CEBPZ: variants seen among roughly 807,000 people sequenced by gnomAD.
CEBPZ encodes CCAAT/enhancer-binding protein zeta.
CEBPZ carries 78 observed loss-of-function variants against 104.5 expected under a neutral mutation model. The observed-to-expected ratio is 0.75, with a 90% CI of 0.62 to 0.90. The LOEUF is 0.90. Ranked by LOEUF, CEBPZ falls within the 40% of genes least tolerant of loss-of-function variation. CEBPZ has a pLI of 0.00. For missense variants in CEBPZ, 1,439 were observed against 1,233.5 expected, an observed-to-expected ratio of 1.17 and a Z score of -2.50; for synonymous variants, 470 against 427.0, an observed-to-expected ratio of 1.10 and a Z score of -1.24.
Position 37,201,647 on chromosome 2 carries a change from T to A in CEBPZ, c.*117A>T. ...AGAGCTATTTTTATTTATAGTTTATTACAAATCCACTGAGAAGTCTGGAAT... is the reference window on the plus strand; with the variant it reads ...AGAGCTATTTTTATTTATAGTTTATAACAAATCCACTGAGAAGTCTGGAAT... On this transcript the variant is annotated 3_prime_UTR_variant, in exon 16 of 16. Transcript: ENST00000234170. 1.4e-6 allele frequency: 1 copy of A among 740,074 alleles called. No individual in the cohort carries two copies. The highest frequency in any genetic ancestry group is 2.4e-6 in the Non-Finnish European group (1 of 414,060). The allele number at this position is 740,074 out of a possible 1,614,324, so 45.8% of individuals were successfully genotyped here.
At chr2:37,212,994 T>C (rs1206461740) in intron 10 of CEBPZ, among the ~76,000 whole-genome samples, 1 of 151,604 alleles carries the variant, frequency 6.6e-6, no homozygotes, top group African/African-American at 2.4e-5. Context: ...CTGCAGTGAG[T>C]TGGGATTGTG....
Position 37,228,517 on chromosome 2 carries a change from T to C in CEBPZ, c.676A>G (p.Ser226Gly). The stretch of plus-strand genomic sequence containing the variant: ...CAGGTAGAAGAGGCTCCCTTTTGAC[T>C]ATTCGTCTTACTTTTGAATAAGTTG... Reference protein sequence around the residue: ...EINLFKSKTNSQKGASSTWMK... With the variant: ...EINLFKSKTNGQKGASSTWMK... Residue 226 changes from serine to glycine, a missense_variant, in exon 2 of 16, where the codon AGT becomes GGT. Transcript: ENST00000234170. 2 of 1,614,234 alleles carry C rather than the reference T, an allele frequency of 1.2e-6. No individual in the cohort carries two copies. The highest frequency in any genetic ancestry group is 8.5e-7 in the Non-Finnish European group (1 of 1,180,040).
chr2:37,217,475 T>C (rs1248526253), intron 5 of CEBPZ, among the ~76,000 whole-genome samples: 1 of 152,160 alleles, frequency 6.6e-6, no homozygotes, highest in Non-Finnish European at 1.5e-5. Context: ...TCAAAACATA[T>C]TGGTCTCAGG....
At chr2:37,227,450 C>G in intron 2 of CEBPZ, 94 bp downstream of exon 2, 2 of 1,359,772 alleles carry the variant, frequency 1.5e-6, no homozygotes, top group Non-Finnish European at 9.7e-7. Context: ...ACCAAATTTT[C>G]TAACTCTTTT....
chr2:37,229,145 C>T, intron 1 of CEBPZ, 109 bp from the exon 2 acceptor site: 2 of 1,030,052 alleles, frequency 1.9e-6, no homozygotes, highest in Non-Finnish European at 2.6e-6. Context: ...CTGGAAAAAT[C>T]CTTTCAAATT....
chr2:37,213,546 G>A (rs542128867), intron 10 of CEBPZ: 12 of 183,866 alleles, frequency 6.5e-5, no homozygotes, highest in Non-Finnish European at 1.0e-4. Flanking sequence ...CGAGTAGCTG[G>A]GACTACAGGT....
At chr2:37,203,111 A>G (rs1677360983) in intron 13 of CEBPZ, 103 bp from the exon 14 acceptor site, 2 of 714,418 alleles carry the variant, frequency 2.8e-6, no homozygotes, top group Admixed American at 6.8e-5. Context: ...TTGGGTAAAA[A>G]CAATTGCAAT....
Position 37,211,990 on chromosome 2 carries a change from C to G in CEBPZ, c.2653G>C (p.Asp885His). ...AGTTCATCATCACTACCTTCTGAAT[C>G]TTCATCTAATGTGTTATCCTTAGCT... ...KGAKDNTLDEDSEGSDDELGN... is the reference protein window; with the variant it reads ...KGAKDNTLDEHSEGSDDELGN... The change falls in exon 12 of 16, where the codon GAT becomes CAT. Residue 885 changes from aspartate (D) to histidine (H), a missense_variant. Asp to His is a moderately conservative substitution (Grantham distance 81). Transcript: ENST00000234170. 2.5e-6 allele frequency: 4 copies of G among 1,611,940 alleles called. No individual in the cohort carries two copies. Among genetic ancestry groups the G allele is most frequent in the Non-Finnish European group, 3.4e-6 (4 of 1,179,400 alleles).
chr2:37,211,377 TAAG>T, intron 12 of CEBPZ: 1 of 262,536 alleles, frequency 3.8e-6, no homozygotes, highest in Non-Finnish European at 7.1e-6. Context: ...TCAGAATAAG[TAAG>T]AAGAATGTTG....
rs763505681 is a variant in CEBPZ, at chr2:37,228,459, C to T, written c.734G>A (p.Gly245Asp). The change falls in exon 2 of 16, where the codon GGT (glycine) becomes GAT (aspartate). Residue 245 changes from glycine to aspartate, a missense_variant. Gly to Asp is a moderately conservative substitution (Grantham distance 94). Transcript: ENST00000234170. ...AAGAATCATGGCTGCCATCCTGTCA[C>T]CTAGTGTCCCCGATGACACAATTGC... is the stretch of plus-strand genomic sequence containing the variant. ...MKAIVSSGTLGDRMAAMILLI... is the reference protein window; with the variant it reads ...MKAIVSSGTLDDRMAAMILLI... The T allele has an allele frequency of 6.2e-7, 1 of 1,614,214 alleles. No individual in the cohort carries two copies. The highest frequency in any genetic ancestry group is 1.1e-5 in the South Asian group (1 of 91,082).
At chr2:37,217,911 A>AC (rs917383473) in intron 5 of CEBPZ, among the ~76,000 whole-genome samples, 26 of 149,118 alleles carry the variant, frequency 1.7e-4, no homozygotes, top group Middle Eastern at 3.5e-3. Flanking sequence ...CAAAAAAAAA[A>AC]AACAAAAAAC....
chr2:37,222,869 T>C (rs1664803619), intron 3 of CEBPZ, among the ~76,000 whole-genome samples: 1 of 152,222 alleles, frequency 6.6e-6, no homozygotes, highest in African/African-American at 2.4e-5. Flanking sequence ...GTAGGTACTA[T>C]TATTTCCATT....
At chr2:37,225,015 A>C (rs190397456) in intron 2 of CEBPZ, among the ~76,000 whole-genome samples, 17 of 151,460 alleles carry the variant, frequency 1.1e-4, no homozygotes, top group Non-Finnish European at 2.2e-4. Context: ...TCAAAAGTTC[A>C]AAATAATGAA....
At chr2:37,215,728 G>A (rs1206110163) in intron 8 of CEBPZ, among the ~76,000 whole-genome samples, 1 of 152,138 alleles carries the variant, frequency 6.6e-6, no homozygotes. Flanking sequence ...ATGATGCTCT[G>A]TGACAAAACC....
chr2:37,218,050 G>A (rs1322521960), intron 5 of CEBPZ, among the ~76,000 whole-genome samples: 2 of 151,448 alleles, frequency 1.3e-5, no homozygotes, highest in Non-Finnish European at 2.9e-5. Flanking sequence ...GGCGGATCAC[G>A]AGGTCAGGAG....
chr2:37,212,497 C>T, intron 10 of CEBPZ, 105 bp from the exon 11 acceptor site: 1 of 919,208 alleles, frequency 1.1e-6, no homozygotes, highest in Non-Finnish European at 1.7e-6. Flanking sequence ...CTGTTTATGA[C>T]AAGTGAACAC....
In CEBPZ at chr2:37,228,359, G is replaced by T. The variant is rs141438261; in HGVS notation, c.834C>A (p.Ser278Arg). 6.2e-7 allele frequency: 1 copy of T among 1,614,178 alleles called. No homozygotes were observed. Among genetic ancestry groups the T allele is most frequent in the Non-Finnish European group, 8.5e-7 (1 of 1,180,038 alleles). The part of the protein sequence containing the change: ...TLVNLVKKKG[S>R]KQQCLMALDT... ...CCAAGGCCATAAGGCACTGCTGTTT[G>T]CTGCCCTTCTTTTTAACAAGGTTCA... Residue 278 changes from serine to arginine, a missense_variant, in exon 2 of 16, where the codon AGC becomes AGA. Physicochemically the swap from Ser to Arg is moderately radical, Grantham distance 110. Transcript: ENST00000234170.
In CEBPZ at chr2:37,211,954, C is replaced by T; in HGVS notation, c.2689G>A (p.Asp897Asn). ...EGSDDELGNL[D>N]DDEVSLGSMD... The stretch of plus-strand genomic sequence containing the variant: ...CTTCCTAAAGAAACTTCATCGTCAT[C>T]CAGGTTACCAAGTTCATCATCACTA... The change falls in exon 12 of 16, where the codon GAT becomes AAT. Residue 897 changes from aspartate (D) to asparagine (N), a missense_variant. Coordinates refer to ENST00000234170, the MANE Select transcript of CEBPZ (RefSeq NM_005760.3). 1 of 1,613,736 alleles carries T rather than the reference C, an allele frequency of 6.2e-7. No homozygotes were observed. Among genetic ancestry groups the T allele is most frequent in the Non-Finnish European group, 8.5e-7 (1 of 1,179,842 alleles).
intron 6 of CEBPZ, 71 bp from the exon 7 acceptor site, chr2:37,216,489 GA>G: frequency 9.0e-7 from 1 of 1,114,436 alleles, no homozygotes; most frequent in African/African-American, 1.6e-5. Context: ...GAAAAAGGAA[GA>G]AAAAGATAAT....
Sources: allele counts gnomAD v4.1 joint callset (sites outside exome capture counted in the v4.1 genomes callset), GRCh38; gene constraint gnomAD v4.1.1; transcripts MANE v1.5; gene names NCBI Gene and HGNC (gene_info 2026-07-23, HGNC 2026-07-21).